AP2B1: variants seen among roughly 807,000 people sequenced by gnomAD.
AP2B1 encodes AP-2 complex subunit beta.
A neutral mutation model predicts 102.0 loss-of-function variants in AP2B1; 23 were observed. The observed-to-expected ratio is 0.23, with a 90% CI of 0.16 to 0.32. The LOEUF (loss-of-function observed/expected upper bound fraction) is 0.32, where lower values mean the gene tolerates loss of function less well. Among genes scored for constraint, AP2B1 ranks in the 10% least tolerant of loss-of-function variants. AP2B1 has a pLI of 1.00. For missense variants in AP2B1, 541 were observed against 1,157.4 expected (o/e 0.47, Z 7.73); for synonymous variants, 381 against 421.2 (o/e 0.90, Z 1.17).
intron 20 of AP2B1, among the ~76,000 whole-genome samples, chr17:35,711,002 C>G (rs1457117820): frequency 1.2e-4 from 19 of 152,176 alleles, no homozygotes; most frequent in Non-Finnish European, 2.9e-5. Context: ...TTAAAGAGCT[C>G]CGTACTCTTT....
chr17:35,713,312 A>C (rs1430763482), intron 20 of AP2B1, among the ~76,000 whole-genome samples: 1 of 152,188 alleles, frequency 6.6e-6, no homozygotes, highest in Non-Finnish European at 1.5e-5. Flanking sequence ...ATAGGGGAAA[A>C]CAGTCATTGC....
intron 18 of AP2B1, among the ~76,000 whole-genome samples, chr17:35,690,516 G>C (rs1314375227): frequency 6.6e-6 from 1 of 152,176 alleles, no homozygotes; most frequent in Non-Finnish European, 1.5e-5. Context: ...CTCTCTAAAA[G>C]AATCAATCTT....
chr17:35,708,440 A>T (rs1249245072), intron 18 of AP2B1, among the ~76,000 whole-genome samples: 1 of 141,940 alleles, frequency 7.0e-6, no homozygotes, highest in African/African-American at 2.7e-5. Flanking sequence ...CTGTAGCTTT[A>T]AAAAAAAAAA....
At chr17:35,691,876 A>G (rs587713946) in intron 18 of AP2B1, among the ~76,000 whole-genome samples, 1 of 152,368 alleles carries the variant, frequency 6.6e-6, no homozygotes, top group Non-Finnish European at 1.5e-5. Flanking sequence ...TCCCATCAGG[A>G]CTATAAACAT....
chr17:35,718,605 G>A (rs1050587046), intron 21 of AP2B1, among the ~76,000 whole-genome samples: 1 of 151,868 alleles, frequency 6.6e-6, no homozygotes. Context: ...CCCAGCTACT[G>A]GAGAGGCTGA....
intron 5 of AP2B1, among the ~76,000 whole-genome samples, chr17:35,614,350 A>G (rs1189652751): frequency 2.0e-5 from 3 of 151,986 alleles, no homozygotes; most frequent in Non-Finnish European, 2.9e-5. Flanking sequence ...ATGCCCAGCT[A>G]ATTTATTTTA....
chr17:35,662,813 G>A (rs946585233), intron 14 of AP2B1, among the ~76,000 whole-genome samples: 1 of 152,102 alleles, frequency 6.6e-6, no homozygotes, highest in Admixed American at 6.6e-5. Flanking sequence ...TTCATCCAAG[G>A]TGCTGTGCAT....
intron 5 of AP2B1, among the ~76,000 whole-genome samples, chr17:35,611,248 G>A (rs1241476800): frequency 1.3e-5 from 2 of 152,136 alleles, no homozygotes; most frequent in East Asian, 1.9e-4. Context: ...TGCTGCAACC[G>A]TCAACCAGGT....
chr17:35,673,967 G>A (rs1318150196), intron 16 of AP2B1, among the ~76,000 whole-genome samples: 1 of 151,290 alleles, frequency 6.6e-6, no homozygotes, highest in African/African-American at 2.4e-5. Flanking sequence ...TTAAATAATT[G>A]AGAACGATCT....
At chr17:35,713,444 T>G (rs2076491177) in intron 20 of AP2B1, among the ~76,000 whole-genome samples, 3 of 152,174 alleles carry the variant, frequency 2.0e-5, no homozygotes, top group Non-Finnish European at 2.9e-5. Context: ...AGGTCTGGAG[T>G]GCCCTGGCCT....
At chr17:35,633,987 A>C (rs1207253242) in intron 9 of AP2B1, among the ~76,000 whole-genome samples, 1 of 152,164 alleles carries the variant, frequency 6.6e-6, no homozygotes, top group Non-Finnish European at 1.5e-5. Flanking sequence ...TCTCTACTAA[A>C]AATAAAAAAA....
At position 35,723,781 on chromosome 17, in the gene AP2B1, G is replaced by T; in HGVS notation, c.*82G>T. ...TAACTGGAAGAAATTGTATTGCTGC[G>T]TAGAATCTGAACACACTGAGGCCAC... On this transcript the variant is annotated 3_prime_UTR_variant, in exon 22 of 22. Transcript: ENST00000610402. 1 of 1,089,874 alleles carries T rather than the reference G, an allele frequency of 9.2e-7. No individual in the cohort carries two copies. The highest frequency in any genetic ancestry group is 1.3e-5 in the South Asian group (1 of 78,088). The allele number at this position is 1,089,874 out of a possible 1,614,324, so 67.5% of individuals were successfully genotyped here.
chr17:35,674,382 A>G, intron 17 of AP2B1, 61 bp downstream of exon 17: 2 of 1,586,520 alleles, frequency 1.3e-6, no homozygotes, highest in Admixed American at 3.4e-5. Flanking sequence ...AACCAACAAG[A>G]GAACATTCCA....
intron 9 of AP2B1, among the ~76,000 whole-genome samples, chr17:35,628,697 C>G (rs1418211663): frequency 6.6e-6 from 1 of 152,184 alleles, no homozygotes; most frequent in Non-Finnish European, 1.5e-5. Context: ...TAACTATCTG[C>G]TATAAGAAGT....
At chr17:35,619,933 C>G (rs1373811891) in intron 5 of AP2B1, among the ~76,000 whole-genome samples, 1 of 152,000 alleles carries the variant, frequency 6.6e-6, no homozygotes, top group Non-Finnish European at 1.5e-5. Flanking sequence ...TACAGGTATG[C>G]ACCACCATGC....
At chr17:35,642,383 C>T (rs2074807730) in intron 12 of AP2B1, among the ~76,000 whole-genome samples, 1 of 152,196 alleles carries the variant, frequency 6.6e-6, no homozygotes, top group Non-Finnish European at 1.5e-5. Context: ...TTGCCTTTCT[C>T]ACAGAAATTA....
At position 35,714,376 on chromosome 17, in the gene AP2B1, C is replaced by T. The variant is rs1339865409; in HGVS notation, c.2627-2819C>T. ...CACAGCAGGGCCCCAGATGTAAATTCCCCCATTCCCACTCTCTAATATGAG... is the reference window on the plus strand; with the variant it reads ...CACAGCAGGGCCCCAGATGTAAATTTCCCCATTCCCACTCTCTAATATGAG... On this transcript the variant is annotated intron_variant, in intron 20 of 21. Transcript: ENST00000610402. Among the ~76,000 whole-genome samples, 3 of 152,064 alleles carry T rather than the reference C, an allele frequency of 2.0e-5. No homozygotes were observed. The East Asian group carries it at 5.8e-4, about 29-fold the overall frequency.
chr17:35,606,356 C>T (rs920179935), intron 4 of AP2B1, among the ~76,000 whole-genome samples: 1 of 152,016 alleles, frequency 6.6e-6, no homozygotes, highest in Non-Finnish European at 1.5e-5. Context: ...TCTCCTGCCT[C>T]AGTCTCCCAA....
intron 1 of AP2B1, among the ~76,000 whole-genome samples, chr17:35,591,755 C>T (rs2073108957): frequency 6.6e-6 from 1 of 152,178 alleles, no homozygotes; most frequent in Non-Finnish European, 1.5e-5. Flanking sequence ...CATTTGCCCA[C>T]TTCACATTTA....
Sources: gnomAD v4.1 joint callset for allele counts (sites outside exome capture counted in the v4.1 genomes callset) on GRCh38, gnomAD v4.1.1 for gene constraint, MANE v1.5 for transcripts, NCBI Gene and HGNC (gene_info 2026-07-23, HGNC 2026-07-21) for gene names.